CNTNAP5: variants seen among roughly 807,000 people sequenced by gnomAD.
CNTNAP5 encodes the protein contactin-associated protein-like 5.
A neutral mutation model predicts 150.2 loss-of-function variants in CNTNAP5; 72 were observed. That is an observed-to-expected ratio of 0.48 (90% confidence interval 0.40 to 0.58). The LOEUF (loss-of-function observed/expected upper bound fraction) is 0.58, where lower values mean the gene tolerates loss of function less well. Among genes scored for constraint, CNTNAP5 ranks in the 20% least tolerant of loss-of-function variants. The probability of loss-of-function intolerance (pLI) is 0.00; values close to 1 mark genes in which losing one functional copy is unlikely to be tolerated. For missense variants in CNTNAP5, 1,636 were observed against 1,626.2 expected (o/e 1.01, Z -0.10); for synonymous variants, 672 against 619.8 (o/e 1.08, Z -1.25).
Position 124,483,979 on chromosome 2 carries a change from C to T in CNTNAP5, c.1062+9097C>T, listed in dbSNP as rs1573404781. 2.0e-5 allele frequency among the ~76,000 whole-genome samples: 3 copies of T among 152,270 alleles called. No individual in the cohort carries two copies. In the South Asian group the frequency reaches 6.2e-4, roughly 32 times the overall value. The stretch of plus-strand genomic sequence containing the variant: ...GACCCTTACTTTTTGTTTGTTTCTC[C>T]ATCTTGATCACTCATCACAATTCTG... On this transcript the variant is annotated intron_variant, in intron 7 of 23. Coordinates refer to ENST00000682447, the MANE Select transcript of CNTNAP5 (RefSeq NM_001367498.1).
chr2:124,299,932 A>G (rs578059611), intron 3 of CNTNAP5, among the ~76,000 whole-genome samples: 2 of 152,302 alleles, frequency 1.3e-5, no homozygotes, highest in African/African-American at 2.4e-5. Flanking sequence ...CATAGTTAAT[A>G]CACACCACTC....
intron 13 of CNTNAP5, among the ~76,000 whole-genome samples, chr2:124,730,541 G>A (rs761085641): frequency 6.6e-6 from 1 of 151,938 alleles, no homozygotes; most frequent in Non-Finnish European, 1.5e-5. Flanking sequence ...ATAGCAACTA[G>A]TATGTTGTAA....
At chr2:124,861,795 T>C (rs1056677008) in intron 19 of CNTNAP5, among the ~76,000 whole-genome samples, 3 of 152,090 alleles carry the variant, frequency 2.0e-5, no homozygotes, top group Admixed American at 2.0e-4. Context: ...AAATTAGTTT[T>C]ATTTTTATTT....
At chr2:124,749,665 C>T (rs988995287) in intron 14 of CNTNAP5, among the ~76,000 whole-genome samples, 5 of 152,270 alleles carry the variant, frequency 3.3e-5, no homozygotes, top group African/African-American at 7.2e-5. Flanking sequence ...TCTCCTGCCT[C>T]GACCTCCCAA....
chr2:124,611,381 C>A (rs1359953911), intron 12 of CNTNAP5, among the ~76,000 whole-genome samples: 2 of 152,230 alleles, frequency 1.3e-5, no homozygotes, highest in Non-Finnish European at 2.9e-5. Flanking sequence ...GTAGAAAATG[C>A]TGGTGACCTG....
chr2:124,065,460 C>T (rs1682130644), intron 1 of CNTNAP5, among the ~76,000 whole-genome samples: 1 of 152,102 alleles, frequency 6.6e-6, no homozygotes, highest in Non-Finnish European at 1.5e-5. Flanking sequence ...AAAAACCCCC[C>T]AGCAGCTCTG....
At chr2:124,786,398 A>AGAAAGAAAGAAAGAAG (rs1553442119) in intron 17 of CNTNAP5, among the ~76,000 whole-genome samples, 17 of 45,206 alleles carry the variant, frequency 3.8e-4, no homozygotes, top group South Asian at 1.2e-3. Flanking sequence ...AAAGAAAGAA[A>AGAAAGAAAGAAAGAAG]GAAGGAAGGA....
chr2:124,328,106 T>A (rs1276592632), intron 3 of CNTNAP5, among the ~76,000 whole-genome samples: 2 of 152,116 alleles, frequency 1.3e-5, no homozygotes, highest in Admixed American at 6.5e-5. Context: ...AAAAGTTTTT[T>A]AAAAAAGTTA....
At position 124,588,177 on chromosome 2, in the gene CNTNAP5, C is replaced by CTTCTTTCT. The variant is rs746237108; in HGVS notation, c.1757-21570_1757-21563dup. On this transcript the variant is annotated intron_variant, in intron 11 of 23. Transcript: ENST00000682447. Reference sequence around the variant, plus strand: ...TTCCTTTTCCTTCCTTCCTTCCTTCCTTCTTTCTTTCTTTCTTTCTTTCTT... The same window carrying CTTCTTTCT: ...TTCCTTTTCCTTCCTTCCTTCCTTCCTTCTTTCTTTCTTTCTTTCTTTCTTTCTTTCTT... Among the ~76,000 whole-genome samples, 464 of 110,880 alleles carry CTTCTTTCT rather than the reference C, an allele frequency of 4.2e-3. 2 individuals are homozygous for CTTCTTTCT. Among genetic ancestry groups the CTTCTTTCT allele is most frequent in the Non-Finnish European group, 6.2e-3 (313 of 50,154 alleles). The allele number at this position is 110,880 out of a possible 152,430, so 72.7% of individuals were successfully genotyped here. A position where few individuals can be genotyped will look rare whatever the true frequency, so the allele number is the denominator to read the frequency against.
intron 13 of CNTNAP5, among the ~76,000 whole-genome samples, chr2:124,665,552 C>T (rs773447278): frequency 3.9e-5 from 6 of 152,110 alleles, no homozygotes; most frequent in South Asian, 4.1e-4. Flanking sequence ...CCCTCACATA[C>T]GTGTGGATAA....
chr2:124,510,347 C>A (rs1694545197), intron 8 of CNTNAP5, among the ~76,000 whole-genome samples: 2 of 28,534 alleles, frequency 7.0e-5, no homozygotes, highest in Non-Finnish European at 1.3e-4. Flanking sequence ...CTCCATATGT[C>A]AACACACACA....
In CNTNAP5 at chr2:124,765,958, GA is replaced by G. The variant is rs922747187; in HGVS notation, c.2533+1821del. Among the ~76,000 whole-genome samples the G allele has an allele frequency of 2.3e-3, 329 of 146,032 alleles. 3 individuals are homozygous for G. Among genetic ancestry groups the G allele is most frequent in the Middle Eastern group, 3.5e-3 (1 of 288 alleles). ...GTAACAAGAGTGAAACTTTGTCTCA[GA>G]AAAAAAAAATAGGTTAAAAAAAATA... is the stretch of plus-strand genomic sequence containing the variant. On this transcript the variant is annotated intron_variant, in intron 16 of 23. Coordinates refer to ENST00000682447, the MANE Select transcript of CNTNAP5 (RefSeq NM_001367498.1).
At chr2:124,604,641 T>C (rs1697060504) in intron 11 of CNTNAP5, among the ~76,000 whole-genome samples, 1 of 152,210 alleles carries the variant, frequency 6.6e-6, no homozygotes, top group Non-Finnish European at 1.5e-5. Flanking sequence ...CAGGAAGGGA[T>C]GATAGCATTA....
intron 1 of CNTNAP5, among the ~76,000 whole-genome samples, chr2:124,068,468 C>A (rs1573730739): frequency 1.3e-5 from 2 of 152,134 alleles, no homozygotes; most frequent in East Asian, 1.9e-4. Flanking sequence ...TTCTTAGAAG[C>A]CTCACCTTTG....
chr2:124,520,829 GA>G (rs1694832823), intron 8 of CNTNAP5, among the ~76,000 whole-genome samples: 1 of 152,066 alleles, frequency 6.6e-6, no homozygotes, highest in South Asian at 2.1e-4. Context: ...GGAAGTTTGG[GA>G]AAAAAGCAAT....
intron 17 of CNTNAP5, among the ~76,000 whole-genome samples, chr2:124,774,568 A>G (rs1681279382): frequency 6.6e-6 from 1 of 152,212 alleles, no homozygotes; most frequent in East Asian, 1.9e-4. Flanking sequence ...ATATTTTAAA[A>G]ATTTATATTG....
At chr2:124,769,950 T>C (rs1681154789) in intron 16 of CNTNAP5, among the ~76,000 whole-genome samples, 1 of 152,180 alleles carries the variant, frequency 6.6e-6, no homozygotes, top group Non-Finnish European at 1.5e-5. Context: ...GGTATTTGGC[T>C]CACAGTAAGT....
intron 20 of CNTNAP5, 25 bp from the exon 21 acceptor site, chr2:124,869,650 G>T: frequency 6.6e-7 from 1 of 1,520,666 alleles, no homozygotes; most frequent in Non-Finnish European, 9.1e-7. Flanking sequence ...CTGCTGATGT[G>T]CCTTTGTTTT....
At chr2:124,823,979 C>T (rs557952113) in intron 19 of CNTNAP5, among the ~76,000 whole-genome samples, 21 of 149,214 alleles carry the variant, frequency 1.4e-4, no homozygotes, top group African/African-American at 4.7e-4. Flanking sequence ...AGTGCAATGG[C>T]GGGATCTCGG....
Sources: gnomAD v4.1 joint callset for allele counts (sites outside exome capture counted in the v4.1 genomes callset) on GRCh38, gnomAD v4.1.1 for gene constraint, MANE v1.5 for transcripts, NCBI Gene and HGNC (gene_info 2026-07-23, HGNC 2026-07-21) for gene names.